Variants in TMEM132C observed in about 807,000 individuals in gnomAD.
The protein encoded by TMEM132C is transmembrane protein 132C.
TMEM132C carries 29 observed loss-of-function variants against 61.4 expected under a neutral mutation model. The ratio of observed to expected loss-of-function variants is 0.47; its 90% CI spans 0.35 to 0.64. TMEM132C has a LOEUF of 0.64. Among genes scored for constraint, TMEM132C ranks in the 30% least tolerant of loss-of-function variants. The pLI, the probability that TMEM132C is intolerant of heterozygous loss-of-function variation, is 0.00. For synonymous variants in TMEM132C, 656 were observed against 633.1 expected, an observed-to-expected ratio of 1.04 and a Z score of -0.54; for missense variants, 1,408 against 1,476.9, an observed-to-expected ratio of 0.95 and a Z score of 0.76.
chr12:128,669,438 G>T lies in TMEM132C; in HGVS notation c.1327G>T (p.Ala443Ser), dbSNP rs1392247844. The T allele has an allele frequency of 1.3e-6, 2 of 1,551,564 alleles. No individual in the cohort carries two copies. The highest frequency in any genetic ancestry group is 2.4e-5 in the South Asian group (2 of 84,016). Residue 443 changes from alanine to serine, a missense_variant, in exon 5 of 9, where the codon GCC becomes TCC. Physicochemically the swap from Ala to Ser is moderately conservative, Grantham distance 99. Transcript: ENST00000435159. ...LAMDTEILNT[A>S]VLTGKTVAMP... is the part of the protein sequence containing the mutation. ...GCAGGACACTGAAATTCTGAACACC[G>T]CCGTACTCACAGGAAAGACAGTTGC...
In TMEM132C at chr12:128,616,283, C is replaced by T. The variant is rs1593121504; in HGVS notation, c.1253C>T (p.Ser418Phe). ...AAGGGGACCACAGACATCGCCGTGTCCGAGATCTTTGTCAGCCAGAAGGAC... is the reference window on the plus strand; with the variant it reads ...AAGGGGACCACAGACATCGCCGTGTTCGAGATCTTTGTCAGCCAGAAGGAC... ...PRKGTTDIAV[S>F]EIFVSQKDLV... The change falls in exon 4 of 9, where the codon TCC becomes TTC. Residue 418 changes from serine (S) to phenylalanine (F), a missense_variant. Transcript: ENST00000435159. 2 of 1,551,790 alleles carry T rather than the reference C, an allele frequency of 1.3e-6. No individual in the cohort carries two copies. Among genetic ancestry groups the T allele is most frequent in the East Asian group, 2.4e-5 (1 of 40,922 alleles).
intron 8 of TMEM132C, among the ~76,000 whole-genome samples, chr12:128,700,419 C>T (rs978471114): frequency 6.6e-6 from 1 of 152,166 alleles, no homozygotes; most frequent in Non-Finnish European, 1.5e-5. Context: ...GGAGATGGAT[C>T]TTGGCAAGTC....
chr12:128,382,230 C>T (rs1412433217), intron 1 of TMEM132C, among the ~76,000 whole-genome samples: 1 of 152,114 alleles, frequency 6.6e-6, no homozygotes, highest in Non-Finnish European at 1.5e-5. Flanking sequence ...TTTGTGCTCA[C>T]AGAAAAATGC....
At chr12:128,528,268 G>A (rs1312811108) in intron 2 of TMEM132C, among the ~76,000 whole-genome samples, 1 of 152,092 alleles carries the variant, frequency 6.6e-6, no homozygotes, top group Non-Finnish European at 1.5e-5. Flanking sequence ...ACGCATTGTG[G>A]GCTTTGCTTT....
At chr12:128,341,453 C>T (rs998750095) in intron 1 of TMEM132C, among the ~76,000 whole-genome samples, 3 of 152,138 alleles carry the variant, frequency 2.0e-5, no homozygotes, top group Admixed American at 6.5e-5. Context: ...TTATTTTACT[C>T]GAATGGATTT....
chr12:128,326,183 A>C lies in TMEM132C; in HGVS notation c.85+58696A>C, dbSNP rs1035826272. On this transcript the variant is annotated intron_variant, in intron 1 of 8. Transcript: ENST00000435159. This position sits in a 1 kb window ranked among gnomAD's most constrained non-coding sequence, Gnocchi z 5.6. ...GTTTTTATGAGGGTGAGGGAACTGT[A>C]CAATTATTTATCAAATTGCAAAAGA... Among the ~76,000 whole-genome samples the C allele has an allele frequency of 6.6e-6, 1 of 152,140 alleles. No individual in the cohort carries two copies. The highest frequency in any genetic ancestry group is 1.5e-5 in the Non-Finnish European group (1 of 68,016).
chr12:128,378,270 A>G (rs545852293), intron 1 of TMEM132C, among the ~76,000 whole-genome samples: 18 of 151,902 alleles, frequency 1.2e-4, no homozygotes, highest in Admixed American at 5.2e-4. Context: ...GCCTGCCACC[A>G]TGCCCGGCTA....
At chr12:128,606,207 C>T (rs950957127) in intron 3 of TMEM132C, among the ~76,000 whole-genome samples, 1 of 152,242 alleles carries the variant, frequency 6.6e-6, no homozygotes, top group Non-Finnish European at 1.5e-5. Flanking sequence ...TGACACACTT[C>T]TGGTATGTGA....
intron 2 of TMEM132C, among the ~76,000 whole-genome samples, chr12:128,423,803 G>C (rs987521114): frequency 6.6e-6 from 1 of 151,952 alleles, no homozygotes; most frequent in Non-Finnish European, 1.5e-5. Context: ...GGAGGCTGAG[G>C]CGGGCGGATC....
chr12:128,446,816 G>T (rs1347992501), intron 2 of TMEM132C, among the ~76,000 whole-genome samples: 1 of 152,164 alleles, frequency 6.6e-6, no homozygotes, highest in Non-Finnish European at 1.5e-5. Context: ...ATCATACTTT[G>T]CCTCTGGGGA....
chr12:128,515,079 C>G (rs1593081834), intron 2 of TMEM132C, among the ~76,000 whole-genome samples: 2 of 152,218 alleles, frequency 1.3e-5, no homozygotes, highest in South Asian at 4.1e-4. Flanking sequence ...GCATATTGGA[C>G]AAGTTCCTGG....
At chr12:128,629,277 G>A (rs897707560) in intron 4 of TMEM132C, among the ~76,000 whole-genome samples, 2 of 152,168 alleles carry the variant, frequency 1.3e-5, no homozygotes, top group African/African-American at 4.8e-5. Context: ...CACTTCAGGA[G>A]GCCAAGATAG....
At chr12:128,475,945 C>T (rs11837979) in intron 2 of TMEM132C, among the ~76,000 whole-genome samples, 3,798 of 152,256 alleles carry the variant, frequency 0.025, 159 homozygotes, top group African/African-American at 0.084. Context: ...GTCCCCCATC[C>T]GCTTCCACCA....
At chr12:128,663,888 A>G (rs538024908) in intron 4 of TMEM132C, among the ~76,000 whole-genome samples, 1 of 138,716 alleles carries the variant, frequency 7.2e-6, no homozygotes, top group African/African-American at 2.7e-5. Context: ...ATACAGGCAC[A>G]AGCACCCACA....
intron 3 of TMEM132C, among the ~76,000 whole-genome samples, chr12:128,596,891 T>C (rs1245931154): frequency 6.6e-6 from 1 of 152,230 alleles, no homozygotes; most frequent in Non-Finnish European, 1.5e-5. Flanking sequence ...ACAAGCAACT[T>C]GAATGACTGA....
intron 1 of TMEM132C, among the ~76,000 whole-genome samples, chr12:128,290,602 C>T (rs373886236): frequency 1.3e-5 from 2 of 152,144 alleles, no homozygotes; most frequent in African/African-American, 4.8e-5. Context: ...TAGGGTCCCC[C>T]CTGGCCAGGT....
intron 2 of TMEM132C, among the ~76,000 whole-genome samples, chr12:128,511,167 C>A (rs1159918847): frequency 6.6e-6 from 1 of 152,238 alleles, no homozygotes; most frequent in African/African-American, 2.4e-5. Context: ...AGCCACGCTG[C>A]AGTCCCAAGT....
intron 2 of TMEM132C, among the ~76,000 whole-genome samples, chr12:128,464,181 A>G (rs1342889600): frequency 6.6e-6 from 1 of 152,094 alleles, no homozygotes; most frequent in Admixed American, 6.6e-5. Flanking sequence ...TCTTTCCTCC[A>G]CCATCAGCCT....
intron 1 of TMEM132C, among the ~76,000 whole-genome samples, chr12:128,365,103 G>A (rs1378201161): frequency 6.6e-6 from 1 of 152,206 alleles, no homozygotes; most frequent in African/African-American, 2.4e-5. Flanking sequence ...AGCTCCAGGA[G>A]GGTTTGAATT....
Sources: allele counts gnomAD v4.1 joint callset (sites outside exome capture counted in the v4.1 genomes callset), GRCh38; gene constraint gnomAD v4.1.1; non-coding constraint Gnocchi (gnomAD v3.1); transcripts MANE v1.5; gene names NCBI Gene and HGNC (gene_info 2026-07-23, HGNC 2026-07-21).